The following FIG4 variants were observed in gnomAD, a reference collection of about 807,000 sequenced individuals.
FIG4 encodes the protein FIG4 phosphoinositide 5-phosphatase.
A neutral mutation model predicts 118.6 loss-of-function variants in FIG4; 112 were observed. That is an observed-to-expected ratio of 0.94 (90% confidence interval 0.81 to 1.11). FIG4 has a LOEUF of 1.11. Ranked by LOEUF, FIG4 falls within the 50% of genes least tolerant of loss-of-function variation. FIG4 has a pLI of 0.00. For missense variants in FIG4, 969 were observed against 1,111.7 expected (o/e 0.87, Z 1.83); for synonymous variants, 369 against 381.2 (o/e 0.97, Z 0.37).
chr6:109,724,994 C>G (rs1175042880), intron 3 of FIG4, among the ~76,000 whole-genome samples: 1 of 152,130 alleles, frequency 6.6e-6, no homozygotes, highest in African/African-American at 2.4e-5. Flanking sequence ...CATGGAACAA[C>G]AACTCCTCTT....
intron 13 of FIG4, 48 bp downstream of exon 13, chr6:109,764,030 T>G (rs1440846954): frequency 8.4e-7 from 1 of 1,191,804 alleles, no homozygotes; most frequent in South Asian, 1.2e-5. Context: ...GTATCCATTG[T>G]GTACTGTATG....
At chr6:109,724,819 GT>G in intron 3 of FIG4, among the ~76,000 whole-genome samples, 1 of 150,862 alleles carries the variant, frequency 6.6e-6, no homozygotes. Flanking sequence ...GTGTGTGTGT[GT>G]GTGTGTGTGT....
At chr6:109,753,138 C>A (rs1232283351) in intron 10 of FIG4, among the ~76,000 whole-genome samples, 1 of 152,138 alleles carries the variant, frequency 6.6e-6, no homozygotes, top group African/African-American at 2.4e-5. Context: ...TGTCAAAGAT[C>A]AGATAGTTGT....
chr6:109,750,327 A>T (rs1776650201), intron 10 of FIG4, among the ~76,000 whole-genome samples: 1 of 152,170 alleles, frequency 6.6e-6, no homozygotes, highest in East Asian at 1.9e-4. Context: ...TGTTAGGGGG[A>T]TCTTGGAACC....
intron 22 of FIG4, among the ~76,000 whole-genome samples, chr6:109,812,638 G>C (rs921611206): frequency 1.3e-5 from 2 of 152,168 alleles, no homozygotes; most frequent in African/African-American, 4.8e-5. Context: ...CAACAGGAAG[G>C]TTATTAATGA....
Position 109,715,010 on chromosome 6 carries a change from A to G in FIG4, c.67-68A>G, listed in dbSNP as rs963598368. The G allele has an allele frequency of 1.4e-5, 11 of 812,508 alleles. No homozygotes were observed. The East Asian group carries it at 2.7e-4, about 20-fold the overall frequency. The allele number at this position is 812,508 out of a possible 1,614,324, so 50.3% of individuals were successfully genotyped here. ...ATTAATGTATTTAATTTCAAAAACT[A>G]AAGTGGTATAAAATGTGTATAGGGC... is the stretch of plus-strand genomic sequence containing the variant. On this transcript the variant is annotated intron_variant, in intron 1 of 22. Transcript: ENST00000230124.
intron 1 of FIG4, among the ~76,000 whole-genome samples, chr6:109,695,603 C>T (rs200391361): frequency 8.9e-6 from 1 of 112,772 alleles, no homozygotes; most frequent in South Asian, 2.5e-4. Flanking sequence ...CACACACAGA[C>T]ACACACACAC....
intron 10 of FIG4, among the ~76,000 whole-genome samples, chr6:109,757,440 CT>C (rs1776951578): frequency 6.6e-6 from 1 of 150,396 alleles, no homozygotes; most frequent in African/African-American, 2.4e-5. Flanking sequence ...AAACTCTCAA[CT>C]AGGTATTGAT....
intron 15 of FIG4, among the ~76,000 whole-genome samples, chr6:109,775,327 G>C (rs144339127): frequency 1.1e-4 from 16 of 152,300 alleles, no homozygotes; most frequent in African/African-American, 3.6e-4. Flanking sequence ...TGTATTTTCA[G>C]TTGCAGCAGC....
intron 22 of FIG4, among the ~76,000 whole-genome samples, chr6:109,806,741 A>T (rs982119784): frequency 6.6e-6 from 1 of 151,904 alleles, no homozygotes; most frequent in African/African-American, 2.4e-5. Context: ...CATCATCTAC[A>T]TTAGGTATTT....
At chr6:109,788,099 C>T (rs1176572369) in intron 18 of FIG4, among the ~76,000 whole-genome samples, 1 of 152,080 alleles carries the variant, frequency 6.6e-6, no homozygotes, top group Non-Finnish European at 1.5e-5. Flanking sequence ...ATGTTCTGAG[C>T]ACTTTTAAGG....
At chr6:109,802,394 A>G (rs1036762769) in intron 22 of FIG4, among the ~76,000 whole-genome samples, 1 of 152,212 alleles carries the variant, frequency 6.6e-6, no homozygotes, top group African/African-American at 2.4e-5. Context: ...TTTTCGGACA[A>G]TTCTGAAAAT....
chr6:109,748,137 A>T (rs1776562948), intron 10 of FIG4, among the ~76,000 whole-genome samples: 1 of 152,118 alleles, frequency 6.6e-6, no homozygotes, highest in Non-Finnish European at 1.5e-5. Flanking sequence ...GGGTAAGTTG[A>T]CTAGAAACCT....
In FIG4 at chr6:109,691,778, G is replaced by GT. The variant is rs559058539; in HGVS notation, c.66+279dup. On this transcript the variant is annotated intron_variant, in intron 1 of 22. Coordinates refer to ENST00000230124, the MANE Select transcript of FIG4 (RefSeq NM_014845.6). ...AGGTGCTTGTGGTACCTCAGGAACT[G>GT]TTCATGAGGTTCTCTGTACGAGTTA... Among the ~76,000 whole-genome samples the GT allele has an allele frequency of 1.9e-3, 295 of 152,290 alleles. 1 individual carries two copies. Among genetic ancestry groups the GT allele is most frequent in the African/African-American group, 6.7e-3 (279 of 41,554 alleles).
intron 18 of FIG4, 66 bp from the exon 19 acceptor site, chr6:109,789,528 G>T: frequency 1.7e-6 from 2 of 1,148,092 alleles, no homozygotes; most frequent in Non-Finnish European, 1.3e-6. Context: ...TGTGAACTGA[G>T]ATGGAAGCCA....
rs1162418427 is a variant in FIG4, at chr6:109,716,439, T to C, written c.166-6T>C. On this transcript the variant is annotated splice_region_variant and splice_polypyrimidine_tract_variant and intron_variant, in intron 2 of 22. Coordinates refer to ENST00000230124, the MANE Select transcript of FIG4 (RefSeq NM_014845.6). ...AACCTTACAGAGTAAATGTGCTTAT[T>C]CTTAGCATGTCTATACTCAACAAGA... 1.2e-6 allele frequency: 2 copies of C among 1,613,292 alleles called. No individual in the cohort carries two copies. Among genetic ancestry groups the C allele is most frequent in the Non-Finnish European group, 1.7e-6 (2 of 1,179,478 alleles).
intron 1 of FIG4, among the ~76,000 whole-genome samples, chr6:109,702,031 A>G (rs1000601727): frequency 4.6e-5 from 7 of 152,210 alleles, no homozygotes; most frequent in Admixed American, 3.3e-4. Flanking sequence ...TACTGGGATT[A>G]CTGGACTAAG....
chr6:109,807,718 T>G (rs1583762780), intron 22 of FIG4, among the ~76,000 whole-genome samples: 1 of 152,242 alleles, frequency 6.6e-6, no homozygotes, highest in Non-Finnish European at 1.5e-5. Context: ...CTAGGTTTTC[T>G]TCTAGGGTTT....
At chr6:109,817,513 A>C (rs1279526071) in intron 22 of FIG4, among the ~76,000 whole-genome samples, 1 of 152,214 alleles carries the variant, frequency 6.6e-6, no homozygotes, top group Admixed American at 6.5e-5. Context: ...CTAAAGCCAA[A>C]AGTTATTTTT....
Sources: gnomAD v4.1 joint callset for allele counts (sites outside exome capture counted in the v4.1 genomes callset) on GRCh38, gnomAD v4.1.1 for gene constraint, MANE v1.5 for transcripts, NCBI Gene and HGNC (gene_info 2026-07-23, HGNC 2026-07-21) for gene names.